ZNF385B: variants seen among roughly 807,000 people sequenced by gnomAD.
The protein encoded by ZNF385B is zinc finger protein 385B, also known as zinc finger protein 533.
ZNF385B carries 23 observed loss-of-function variants against 39.2 expected under a neutral mutation model. The ratio of observed to expected loss-of-function variants is 0.59; its 90% CI spans 0.42 to 0.83. ZNF385B has a LOEUF of 0.83. ZNF385B is among the 40% of genes least tolerant of loss of function. ZNF385B has a pLI of 0.00. For missense variants in ZNF385B, 552 were observed against 598.9 expected, an observed-to-expected ratio of 0.92 and a Z score of 0.82; for synonymous variants, 205 against 222.6, an observed-to-expected ratio of 0.92 and a Z score of 0.70.
At chr2:179,732,529 T>C (rs1310671163) in intron 3 of ZNF385B, among the ~76,000 whole-genome samples, 1 of 152,226 alleles carries the variant, frequency 6.6e-6, no homozygotes, top group Non-Finnish European at 1.5e-5. Flanking sequence ...AGTCAGCTGA[T>C]CATAATATTA....
intron 3 of ZNF385B, among the ~76,000 whole-genome samples, chr2:179,697,224 C>T (rs1698835169): frequency 6.6e-6 from 1 of 152,146 alleles, no homozygotes; most frequent in African/African-American, 2.4e-5. Flanking sequence ...CTGACTATGA[C>T]TGTTTTGTGT....
At chr2:179,771,533 C>G (rs1011741272) in intron 1 of ZNF385B, among the ~76,000 whole-genome samples, 1 of 152,162 alleles carries the variant, frequency 6.6e-6, no homozygotes, top group African/African-American at 2.4e-5. Context: ...TTAAAATCTG[C>G]TCAAACTATG....
At chr2:179,613,003 C>A (rs535291166) in intron 3 of ZNF385B, among the ~76,000 whole-genome samples, 6 of 152,354 alleles carry the variant, frequency 3.9e-5, no homozygotes, top group African/African-American at 7.2e-5. Context: ...GAGTCTCTCC[C>A]TGTAGCCATC....
intron 3 of ZNF385B, among the ~76,000 whole-genome samples, chr2:179,715,420 A>G (rs1292969840): frequency 6.6e-6 from 1 of 152,198 alleles, no homozygotes; most frequent in Non-Finnish European, 1.5e-5. Flanking sequence ...CCACAATCAT[A>G]ATATTAGAAG....
chr2:179,593,413 A>G (rs1276838458), intron 3 of ZNF385B, among the ~76,000 whole-genome samples: 2 of 152,164 alleles, frequency 1.3e-5, no homozygotes, highest in African/African-American at 4.8e-5. Context: ...ATCTCCATTT[A>G]TATTTCTGAA....
At chr2:179,608,912 C>A (rs963255325) in intron 3 of ZNF385B, among the ~76,000 whole-genome samples, 11 of 132,430 alleles carry the variant, frequency 8.3e-5, no homozygotes, top group Non-Finnish European at 1.6e-4. Flanking sequence ...TTTCAAATGA[C>A]CTGGCTTTAT....
At chr2:179,671,160 C>A (rs533281164) in intron 3 of ZNF385B, among the ~76,000 whole-genome samples, 1 of 152,314 alleles carries the variant, frequency 6.6e-6, no homozygotes, top group Non-Finnish European at 1.5e-5. Context: ...ATGGTTCTGG[C>A]GACTGTCAGC....
intron 5 of ZNF385B, among the ~76,000 whole-genome samples, chr2:179,496,338 G>T (rs2056203875): frequency 6.6e-6 from 1 of 152,086 alleles, no homozygotes; most frequent in African/African-American, 2.4e-5. Context: ...ATACCCACAG[G>T]ATCTAAAAAC....
At chr2:179,747,265 T>A (rs565062270) in intron 3 of ZNF385B, among the ~76,000 whole-genome samples, 2 of 152,152 alleles carry the variant, frequency 1.3e-5, no homozygotes, top group African/African-American at 2.4e-5. Context: ...TATGTCCCCA[T>A]ATGGAAAGTT....
At position 179,444,889 on chromosome 2, in the gene ZNF385B, G is replaced by C. The variant is rs779574586; in HGVS notation, c.1229C>G (p.Pro410Arg). The C allele has an allele frequency of 2.5e-6, 4 of 1,613,896 alleles. No individual in the cohort carries two copies. The highest frequency in any genetic ancestry group is 1.3e-5 in the African/African-American group (1 of 74,918). Residue 410 changes from proline to arginine, a missense_variant, in exon 9 of 10, where the codon CCG becomes CGG. By Grantham distance (103) the Pro-to-Arg change is moderately radical. Transcript: ENST00000410066. ...YSPYNKLQRS[P>R]SILAAKLAFQ... is the part of the protein sequence containing the mutation. Reference sequence around the variant, plus strand: ...AGGTAAACTTACTGCTAGAATACTCGGGCTCCGCTGGAGTTTGTTGTAAGG... The same window carrying C: ...AGGTAAACTTACTGCTAGAATACTCCGGCTCCGCTGGAGTTTGTTGTAAGG...
chr2:179,585,557 T>C (rs1239118743), intron 3 of ZNF385B, among the ~76,000 whole-genome samples: 2 of 152,222 alleles, frequency 1.3e-5, no homozygotes, highest in Non-Finnish European at 2.9e-5. Context: ...CAAAACAATA[T>C]GCCATTATAT....
intron 6 of ZNF385B, among the ~76,000 whole-genome samples, chr2:179,474,549 A>G (rs979068272): frequency 2.6e-5 from 4 of 152,202 alleles, no homozygotes; most frequent in African/African-American, 9.6e-5. Context: ...TCAGAATACT[A>G]TTATAATCAT....
At chr2:179,498,716 CT>C (rs1055779249) in intron 5 of ZNF385B, among the ~76,000 whole-genome samples, 1 of 151,510 alleles carries the variant, frequency 6.6e-6, no homozygotes, top group African/African-American at 2.4e-5. Context: ...TTTTAAGTGC[CT>C]ACATCAAAAA....
At chr2:179,636,388 C>A (rs1178209563) in intron 3 of ZNF385B, among the ~76,000 whole-genome samples, 1 of 152,124 alleles carries the variant, frequency 6.6e-6, no homozygotes, top group African/African-American at 2.4e-5. Flanking sequence ...TTATGCACAT[C>A]CCACTAAACT....
At chr2:179,500,573 C>T (rs2056662483) in intron 5 of ZNF385B, among the ~76,000 whole-genome samples, 2 of 152,038 alleles carry the variant, frequency 1.3e-5, no homozygotes, top group Non-Finnish European at 2.9e-5. Flanking sequence ...GACCCCATCT[C>T]TTGCCATATA....
intron 3 of ZNF385B, among the ~76,000 whole-genome samples, 184 bp downstream of exon 3, chr2:179,769,319 G>A (rs1575457033): frequency 6.6e-6 from 1 of 152,326 alleles, no homozygotes; most frequent in East Asian, 1.9e-4. Flanking sequence ...GTATGTCAGT[G>A]GGTGTAACAA....
chr2:179,551,234 T>C (rs1035837523), intron 3 of ZNF385B, among the ~76,000 whole-genome samples: 18 of 152,066 alleles, frequency 1.2e-4, no homozygotes, highest in African/African-American at 3.9e-4. Context: ...AAACTTCCTG[T>C]ACTAAAATGA....
chr2:179,834,937 T>G (rs1708169709), intron 1 of ZNF385B, among the ~76,000 whole-genome samples: 2 of 152,144 alleles, frequency 1.3e-5, no homozygotes, highest in African/African-American at 4.8e-5. Flanking sequence ...AATTGAGAGA[T>G]ACTCTGCAGA....
intron 4 of ZNF385B, among the ~76,000 whole-genome samples, chr2:179,535,496 A>T (rs963029418): frequency 2.6e-5 from 4 of 152,182 alleles, no homozygotes; most frequent in African/African-American, 9.7e-5. Context: ...TACTAGAATA[A>T]ATGAGAAGAC....
Sources: allele counts gnomAD v4.1 joint callset (sites outside exome capture counted in the v4.1 genomes callset), GRCh38; gene constraint gnomAD v4.1.1; transcripts MANE v1.5; gene names NCBI Gene and HGNC (gene_info 2026-07-23, HGNC 2026-07-21).